DISP3: variants seen among roughly 807,000 people sequenced by gnomAD.
DISP3 encodes the protein protein dispatched homolog 3.
A neutral mutation model predicts 135.3 loss-of-function variants in DISP3; 101 were observed. The ratio of observed to expected loss-of-function variants is 0.75; its 90% CI spans 0.64 to 0.88. The LOEUF (loss-of-function observed/expected upper bound fraction) is 0.88. Among genes scored for constraint, DISP3 ranks in the 40% least tolerant of loss-of-function variants. DISP3 has a pLI of 0.00. For missense variants in DISP3, 1,713 were observed against 1,878.6 expected (o/e 0.91, Z 1.63); for synonymous variants, 856 against 817.0 (o/e 1.05, Z -0.81).
At position 11,536,489 on chromosome 1, in the gene DISP3, G is replaced by A. The variant is rs373762299; in HGVS notation, c.3982G>A (p.Val1328Met). 30 of 1,613,470 alleles carry A rather than the reference G, an allele frequency of 1.9e-5. No homozygotes were observed. The highest frequency in any genetic ancestry group is 4.4e-5 in the South Asian group (4 of 91,086). ...CAAGATTGTGGCACTCAACACGGGCGTGTCCATCCTCTACACGCTGACCGT... is the reference window on the plus strand; with the variant it reads ...CAAGATTGTGGCACTCAACACGGGCATGTCCATCCTCTACACGCTGACCGT... ...FGKIVALNTG[V>M]SILYTLTVST... is the part of the protein sequence containing the mutation. The change falls in exon 21 of 21, where the codon GTG (valine) becomes ATG (methionine). Residue 1328 changes from valine (V) to methionine (M), a missense_variant. By Grantham distance (21) the Val-to-Met change is conservative (BLOSUM62 1). Transcript: ENST00000294484. The surrounding 1 kb of genome is among the most constrained non-coding windows in gnomAD (Gnocchi z 4.3).
intron 3 of DISP3, among the ~76,000 whole-genome samples, chr1:11,510,784 C>T (rs529963009): frequency 3.9e-5 from 6 of 152,074 alleles, no homozygotes; most frequent in African/African-American, 1.4e-4. Context: ...GCCTGGGCAA[C>T]ATAATGAGAC....
At chr1:11,535,275 C>T (rs762585200) in intron 19 of DISP3, 151 bp downstream of exon 19, 11 of 1,028,052 alleles carry the variant, frequency 1.1e-5, no homozygotes, top group Non-Finnish European at 1.6e-5. Context: ...CATGTCTGTG[C>T]TCCTGAGCAG....
intron 5 of DISP3, 53 bp downstream of exon 5, chr1:11,515,556 C>G: frequency 6.4e-7 from 1 of 1,554,188 alleles, no homozygotes. Context: ...GAAGTCTGCC[C>G]CATCCCCTTT....
Position 11,519,660 on chromosome 1 carries a change from G to A in DISP3, c.2039-59G>A. The A allele has an allele frequency of 6.3e-7, 1 of 1,587,588 alleles. No individual in the cohort carries two copies. The highest frequency in any genetic ancestry group is 8.6e-7 in the Non-Finnish European group (1 of 1,165,538). On this transcript the variant is annotated intron_variant, in intron 8 of 20. Coordinates refer to ENST00000294484, the MANE Select transcript of DISP3 (RefSeq NM_020780.2). This position sits in a 1 kb window ranked among gnomAD's most constrained non-coding sequence, Gnocchi z 4.3. ...GGCATCTGGGCTTCCCTGGAAGCGA[G>A]CGTGGACCACAGTGGGCTTTGATTC... is the stretch of plus-strand genomic sequence containing the variant.
rs766814205 is a variant in DISP3 at position 11,501,960 on chromosome 1, A to G, written c.968A>G (p.Lys323Arg). ...TGCTGGAAGCCCCACGAGGTGCTCA[A>G]GGATCTGCCGCTGGGCTCCTACTCC... is the stretch of plus-strand genomic sequence containing the variant. ...EFCWKPHEVLKDLPLGSYSYC... is the reference protein window; with the variant it reads ...EFCWKPHEVLRDLPLGSYSYC... Residue 323 changes from lysine (K) to arginine (R), a missense_variant, in exon 2 of 21, where the codon AAG becomes AGG. Lys to Arg is a conservative substitution (Grantham distance 26). This residue lies in a region of DISP3 where 571 missense variants were observed against 494.1 expected (regional missense o/e 1.16). Coordinates refer to ENST00000294484, the MANE Select transcript of DISP3 (RefSeq NM_020780.2). This position sits in a 1 kb window ranked among gnomAD's most constrained non-coding sequence, Gnocchi z 4.9. 3.1e-6 allele frequency: 5 copies of G among 1,613,746 alleles called. No homozygotes were observed. Among genetic ancestry groups the G allele is most frequent in the Admixed American group, 1.7e-5 (1 of 60,002 alleles).
At position 11,502,060 on chromosome 1, in the gene DISP3, C is replaced by G; in HGVS notation, c.1068C>G (p.Gly356=). The G allele has an allele frequency of 6.3e-7, 1 of 1,588,058 alleles. No homozygotes were observed. The highest frequency in any genetic ancestry group is 1.3e-5 in the African/African-American group (1 of 74,154). Reference sequence around the variant, plus strand: ...GGGGCGGCAAGATCTACTATGACGGCATGGGCCAGGACCTGGCGGACATCC... The same window carrying G: ...GGGGCGGCAAGATCTACTATGACGGGATGGGCCAGGACCTGGCGGACATCC... The part of the protein sequence containing the change: ...TERGGKIYYD[G]MGQDLADIRG... The change falls in exon 2 of 21, where the codon GGC becomes GGG. Residue 356 remains glycine (G), a synonymous_variant. Coordinates refer to ENST00000294484, the MANE Select transcript of DISP3 (RefSeq NM_020780.2).
intron 3 of DISP3, among the ~76,000 whole-genome samples, chr1:11,505,433 T>C (rs1641670391): frequency 6.6e-6 from 1 of 152,210 alleles, no homozygotes; most frequent in Admixed American, 6.5e-5. Context: ...CGGTTTTAGG[T>C]ACCAGTATTA....
intron 1 of DISP3, among the ~76,000 whole-genome samples, chr1:11,484,616 T>C (rs1640987087): frequency 6.6e-6 from 1 of 152,232 alleles, no homozygotes; most frequent in Admixed American, 6.5e-5. Flanking sequence ...ACTCCCGGCA[T>C]GCCCTTGATC....
In DISP3 at chr1:11,529,738, C is replaced by T; in HGVS notation, c.2930-49C>T. On this transcript the variant is annotated intron_variant, in intron 14 of 20. Transcript: ENST00000294484. This position sits in a 1 kb window ranked among gnomAD's most constrained non-coding sequence, Gnocchi z 4.7. ...CCTCAAGAGCTGAGACCTCGGGGCTCAGGAGCTGGACCCTGCCTTCCCTTA... is the reference window on the plus strand; with the variant it reads ...CCTCAAGAGCTGAGACCTCGGGGCTTAGGAGCTGGACCCTGCCTTCCCTTA... The T allele has an allele frequency of 6.2e-7, 1 of 1,600,676 alleles. No homozygotes were observed.
intron 1 of DISP3, among the ~76,000 whole-genome samples, chr1:11,497,668 A>G (rs759241769): frequency 6.6e-6 from 1 of 152,194 alleles, no homozygotes; most frequent in Non-Finnish European, 1.5e-5. Context: ...GATTACAGGC[A>G]TGAGCCACCG....
At chr1:11,496,659 G>A (rs1308765251) in intron 1 of DISP3, among the ~76,000 whole-genome samples, 1 of 152,238 alleles carries the variant, frequency 6.6e-6, no homozygotes, top group African/African-American at 2.4e-5. Context: ...TACCAGCTGT[G>A]GAGGGGCCTG....
intron 13 of DISP3, among the ~76,000 whole-genome samples, chr1:11,528,217 T>C (rs1365336636): frequency 1.3e-5 from 2 of 152,214 alleles, no homozygotes; most frequent in Non-Finnish European, 2.9e-5. Flanking sequence ...GCCCCTGTTG[T>C]ATTCACTTGC....
intron 3 of DISP3, among the ~76,000 whole-genome samples, chr1:11,508,607 ATTTTCT>A (rs919801486): frequency 6.6e-6 from 1 of 151,642 alleles, no homozygotes; most frequent in African/African-American, 2.4e-5. Context: ...GGTTTCATTG[ATTTTCT>A]TTTTTAAGAA....
rs1448782917 is a variant in DISP3 at position 11,535,496 on chromosome 1, T to A, written c.3668T>A (p.Val1223Glu). The part of the protein sequence containing the change: ...LSILGIVCLV[V>E]TIMYWSGWEM... ...CTTGCAGGCATCGTGTGCCTGGTGGTGACCATCATGTACTGGAGCGGCTGG... is the reference window on the plus strand; with the variant it reads ...CTTGCAGGCATCGTGTGCCTGGTGGAGACCATCATGTACTGGAGCGGCTGG... The change falls in exon 20 of 21, where the codon GTG (valine) becomes GAG (glutamate). Residue 1223 changes from valine (V) to glutamate (E), a missense_variant. This residue lies in a region of DISP3 where 1,142 missense variants were observed against 1,384.6 expected (regional missense o/e 0.82). Transcript: ENST00000294484. 6.2e-7 allele frequency: 1 copy of A among 1,611,384 alleles called. No individual in the cohort carries two copies. The highest frequency in any genetic ancestry group is 8.5e-7 in the Non-Finnish European group (1 of 1,179,044).
chr1:11,523,507 G>C (rs537443847), intron 10 of DISP3, among the ~76,000 whole-genome samples: 12 of 145,286 alleles, frequency 8.3e-5, no homozygotes, highest in African/African-American at 2.6e-4. Flanking sequence ...GAGACAGCAA[G>C]CAGGGGGCAG....
intron 1 of DISP3, among the ~76,000 whole-genome samples, chr1:11,496,567 G>A (rs1490617295): frequency 6.6e-6 from 1 of 152,180 alleles, no homozygotes; most frequent in East Asian, 1.9e-4. Context: ...TCCTTTCCAC[G>A]GAGCAGCTGG....
intron 3 of DISP3, among the ~76,000 whole-genome samples, chr1:11,503,596 C>T (rs1641616684): frequency 6.6e-6 from 1 of 152,070 alleles, no homozygotes; most frequent in South Asian, 2.1e-4. Flanking sequence ...AGGAAATCAC[C>T]TTTCTGCCCT....
Position 11,529,841 on chromosome 1 carries a change from G to A in DISP3, c.2984G>A (p.Gly995Asp). 2 of 1,614,018 alleles carry A rather than the reference G, an allele frequency of 1.2e-6. No homozygotes were observed. The highest frequency in any genetic ancestry group is 1.7e-6 in the Non-Finnish European group (2 of 1,180,034). ...TFGFNPCVNT[G>D]CGKPAVRPLV... Reference sequence around the variant, plus strand: ...GGCTTCAACCCCTGCGTGAACACGGGCTGCGGGAAGCCGGCGGTGCGGCCA... The same window carrying A: ...GGCTTCAACCCCTGCGTGAACACGGACTGCGGGAAGCCGGCGGTGCGGCCA... Residue 995 changes from glycine (G) to aspartate (D), a missense_variant, in exon 15 of 21, where the codon GGC becomes GAC. Gly to Asp is a moderately conservative substitution (Grantham distance 94). Coordinates refer to ENST00000294484, the MANE Select transcript of DISP3 (RefSeq NM_020780.2). The surrounding 1 kb of genome is among the most constrained non-coding windows in gnomAD (Gnocchi z 4.7).
rs749048125 is a variant in DISP3 at position 11,519,415 on chromosome 1, T to TC, written c.1953dup (p.Glu652ArgfsTer17). 80 of 1,613,722 alleles carry TC rather than the reference T, an allele frequency of 5.0e-5. 1 individual carries two copies. The highest frequency in any genetic ancestry group is 6.8e-5 in the Non-Finnish European group (80 of 1,179,952). ...ACTTCCCCGGAGACGTGTTTGCCGCTCCCGAGCAGGTTGGAGGCAGCCCTG... is the reference window on the plus strand; with the variant it reads ...ACTTCCCCGGAGACGTGTTTGCCGCTCCCCGAGCAGGTTGGAGGCAGCCCTG... On this transcript the variant is annotated frameshift_variant, in exon 8 of 21. Coordinates refer to ENST00000294484, the MANE Select transcript of DISP3 (RefSeq NM_020780.2). LOFTEE classifies it high-confidence loss of function. The surrounding 1 kb of genome is among the most constrained non-coding windows in gnomAD (Gnocchi z 4.3).
Sources: gnomAD v4.1 joint callset for allele counts (sites outside exome capture counted in the v4.1 genomes callset) on GRCh38, gnomAD v4.1.1 for gene constraint, gnomAD v4.1.1 regional missense constraint, Gnocchi (gnomAD v3.1) non-coding constraint, MANE v1.5 for transcripts, NCBI Gene and HGNC (gene_info 2026-07-23, HGNC 2026-07-21) for gene names.